The following CFAP99 variants were observed in gnomAD, a reference collection of about 807,000 sequenced individuals.
The protein encoded by CFAP99 is cilia- and flagella-associated protein 99.
A neutral mutation model predicts 82.7 loss-of-function variants in CFAP99; 84 were observed. The observed-to-expected ratio is 1.02, with a 90% CI of 0.85 to 1.22. CFAP99 has a LOEUF of 1.22. Ranked by LOEUF, CFAP99 falls within the 50% of genes most tolerant of loss-of-function variation. The pLI, the probability that CFAP99 is intolerant of heterozygous loss-of-function variation, is 0.00. For synonymous variants in CFAP99, 456 were observed against 429.5 expected (o/e 1.06, Z -0.76); for missense variants, 1,059 against 983.5 (o/e 1.08, Z -1.03).
chr4:2,458,597 TG>T (rs1734490853), intron 11 of CFAP99, 125 bp from the exon 12 acceptor site: 9 of 1,257,518 alleles, frequency 7.2e-6, no homozygotes, highest in South Asian at 1.6e-5. Flanking sequence ...ACCTGGGTTC[TG>T]GGGTGATTCA....
exon 13 of CFAP99, chr4:2,459,191 T>C: frequency 6.5e-7 from 1 of 1,535,628 alleles, no homozygotes; most frequent in East Asian, 2.4e-5. Flanking sequence ...CGTTGTGAAC[T>C]CATCTCCCAG....
intron 6 of CFAP99, among the ~76,000 whole-genome samples, chr4:2,447,645 GTGGATGGATGGATGGA>G (rs146216594): frequency 2.0e-5 from 3 of 147,288 alleles, no homozygotes; most frequent in Non-Finnish European, 4.5e-5. Context: ...GGATGGGTGG[GTGGATGGATGGATGGA>G]TGGATGGACG....
intron 4 of CFAP99, among the ~76,000 whole-genome samples, chr4:2,440,783 A>ACT (rs1734019367): frequency 6.6e-6 from 1 of 151,500 alleles, no homozygotes; most frequent in Non-Finnish European, 1.5e-5. Context: ...TTTAGTAGAG[A>ACT]CAGGGTTTCA....
At chr4:2,423,474 C>T (rs369001872) in intron 1 of CFAP99, among the ~76,000 whole-genome samples, 2 of 152,212 alleles carry the variant, frequency 1.3e-5, no homozygotes, top group East Asian at 1.9e-4. Flanking sequence ...CTGTTGAAAT[C>T]CCCACGCCAG....
chr4:2,434,098 C>T (rs561713457), intron 2 of CFAP99, among the ~76,000 whole-genome samples: 2 of 152,290 alleles, frequency 1.3e-5, no homozygotes, highest in African/African-American at 2.4e-5. Flanking sequence ...TAAGGAACCA[C>T]GTTTACTGCG....
intron 11 of CFAP99, 69 bp from the exon 12 acceptor site, chr4:2,458,654 G>T: frequency 6.7e-7 from 1 of 1,485,106 alleles, no homozygotes; most frequent in Non-Finnish European, 8.9e-7. Flanking sequence ...TGCGCCCTGG[G>T]CTGGGGCGGG....
At position 2,443,250 on chromosome 4, in the gene CFAP99, G is replaced by C; in HGVS notation, c.464+8G>C. 3.3e-6 allele frequency: 5 copies of C among 1,516,858 alleles called. No individual in the cohort carries two copies. The highest frequency in any genetic ancestry group is 2.0e-5 in the Admixed American group (1 of 50,970). The allele number at this position is 1,516,858 out of a possible 1,614,324, so 94.0% of individuals were successfully genotyped here. A position where few individuals can be genotyped will look rare whatever the true frequency, so the allele number is the denominator to read the frequency against. On this transcript the variant is annotated splice_region_variant and intron_variant, in intron 5 of 14. Transcript: ENST00000635017. ...GATCGACCCCCTGATGAGGTAGGCT[G>C]GATGGGGGGCTCTGGGGGCCCTGAA...
intron 5 of CFAP99, among the ~76,000 whole-genome samples, chr4:2,443,848 A>G (rs1203812): frequency 0.12 from 17,998 of 152,236 alleles, 1,151 homozygotes; most frequent in Middle Eastern, 0.23. Context: ...CAGAGGGGTC[A>G]GCACAGTTGC....
At chr4:2,454,592 T>G (rs1427833572) in intron 11 of CFAP99, among the ~76,000 whole-genome samples, 27 of 142,704 alleles carry the variant, frequency 1.9e-4, no homozygotes, top group African/African-American at 3.2e-4. Context: ...TTTTTTTTTT[T>G]TGTTTTTTTT....
In CFAP99 at chr4:2,452,359, C is replaced by T; in HGVS notation, c.1161+13C>T. 1 of 1,532,376 alleles carries T rather than the reference C, an allele frequency of 6.5e-7. No homozygotes were observed. Among genetic ancestry groups the T allele is most frequent in the Middle Eastern group, 2.3e-4 (1 of 4,430 alleles). 94.9% of individuals were successfully genotyped at this position (1,532,376 alleles called of 1,614,324 possible). ...GCAGAAGGAGCAGGTGGGTGCCATG[C>T]AGGGCAGCTGGGCATGGGGCAGCCA... On this transcript the variant is annotated intron_variant, in intron 11 of 14. Coordinates refer to ENST00000635017, the Ensembl canonical transcript of CFAP99.
chr4:2,436,727 ACT>A (rs1733916410), intron 2 of CFAP99, 145 bp from the exon 3 acceptor site: 1 of 627,124 alleles, frequency 1.6e-6, no homozygotes, highest in Non-Finnish European at 2.8e-6. Flanking sequence ...GTGGGGAGGC[ACT>A]GCCAGCTGCC....
In CFAP99 at chr4:2,440,149, C is replaced by CTTTTTTTTTTTTTTTTTTT. The variant is rs1253819268; in HGVS notation, c.351+2000_351+2001insTTTTTTTTTTTTTTTTTTT. The stretch of plus-strand genomic sequence containing the variant: ...GAGCCACTGCGCCCAGCTTGACATT[C>CTTTTTTTTTTTTTTTTTTT]TTTTTTTTTTTTTTTGAGACGGAGT... On this transcript the variant is annotated intron_variant, in intron 4 of 14. Transcript: ENST00000635017. Among the ~76,000 whole-genome samples the CTTTTTTTTTTTTTTTTTTT allele has an allele frequency of 5.8e-5, 6 of 104,034 alleles. 1 individual carries two copies. Among genetic ancestry groups the CTTTTTTTTTTTTTTTTTTT allele is most frequent in the African/African-American group, 1.8e-4 (4 of 21,758 alleles). 68.3% of individuals were successfully genotyped at this position (104,034 alleles called of 152,430 possible). A position where few individuals can be genotyped will look rare whatever the true frequency, so the allele number is the denominator to read the frequency against.
chr4:2,431,368 C>CAAAA (rs11375526), intron 2 of CFAP99, among the ~76,000 whole-genome samples: 6,034 of 145,248 alleles, frequency 0.042, 416 homozygotes, highest in African/African-American at 0.15. Context: ...GACTCTGTCT[C>CAAAA]AAAAAAAAAA....
At chr4:2,457,368 G>T (rs1360998304) in intron 11 of CFAP99, among the ~76,000 whole-genome samples, 1 of 152,226 alleles carries the variant, frequency 6.6e-6, no homozygotes, top group Non-Finnish European at 1.5e-5. Context: ...TAATTTTGAA[G>T]GTGCCAGTGC....
chr4:2,438,624 G>C (rs540166903), intron 4 of CFAP99, among the ~76,000 whole-genome samples: 6 of 152,268 alleles, frequency 3.9e-5, no homozygotes, highest in African/African-American at 1.2e-4. Context: ...GAAGTAGCAA[G>C]CTGGGCATGG....
At chr4:2,450,118 G>A in intron 8 of CFAP99, 113 bp downstream of exon 8, 1 of 1,079,840 alleles carries the variant, frequency 9.3e-7, no homozygotes, top group Non-Finnish European at 1.4e-6. Context: ...TCCCACTGAG[G>A]GCCGGGGAGG....
In CFAP99 at chr4:2,446,758, T is replaced by C. The variant is rs1734174007; in HGVS notation, c.642+1450T>C. Among the ~76,000 whole-genome samples, 1 of 152,050 alleles carries C rather than the reference T, an allele frequency of 6.6e-6. No individual in the cohort carries two copies. The highest frequency in any genetic ancestry group is 2.1e-4 in the South Asian group (1 of 4,810). On this transcript the variant is annotated intron_variant, in intron 6 of 14. Coordinates refer to ENST00000635017, the Ensembl canonical transcript of CFAP99. This position sits in a 1 kb window ranked among gnomAD's most constrained non-coding sequence, Gnocchi z 5.0. The stretch of plus-strand genomic sequence containing the variant: ...AAAGCAGAACCTCAGTAAATACCAG[T>C]TGGATGGATGGATGGGTGGATGGAT...
At position 2,421,659 on chromosome 4, in the gene CFAP99, C is replaced by T. The variant is rs566513172; in HGVS notation, c.-18+2566C>T. On this transcript the variant is annotated intron_variant, in intron 1 of 14. Coordinates refer to ENST00000635017, the Ensembl canonical transcript of CFAP99. ...CCACCGCGCCCAGCCTAGTCCAGCC[C>T]ACCTTTAAAGTTGCCTTAAATATAA... is the stretch of plus-strand genomic sequence containing the variant. Among the ~76,000 whole-genome samples the T allele has an allele frequency of 1.8e-4, 27 of 152,128 alleles. No homozygotes were observed. In the South Asian group the frequency reaches 5.6e-3, roughly 32 times the overall value.
chr4:2,424,581 C>T (rs1733647641), intron 1 of CFAP99, among the ~76,000 whole-genome samples: 1 of 152,248 alleles, frequency 6.6e-6, no homozygotes, highest in Admixed American at 6.5e-5. Context: ...CTTTCCCTAA[C>T]TGTGCAGCTA....
Sources: gnomAD v4.1 joint callset for allele counts (sites outside exome capture counted in the v4.1 genomes callset) on GRCh38, gnomAD v4.1.1 for gene constraint, Gnocchi (gnomAD v3.1) non-coding constraint, MANE v1.5 for transcripts, NCBI Gene and HGNC (gene_info 2026-07-23, HGNC 2026-07-21) for gene names.